PRUNE2: variants seen among roughly 807,000 people sequenced by gnomAD.
PRUNE2 encodes the protein protein prune homolog 2.
A neutral mutation model predicts 252.0 loss-of-function variants in PRUNE2; 164 were observed. The ratio of observed to expected loss-of-function variants is 0.65; its 90% confidence interval spans 0.57 to 0.74. PRUNE2 has a LOEUF of 0.74. PRUNE2 is among the 30% of genes least tolerant of loss of function. The pLI is 0.00. For synonymous variants in PRUNE2, 1,292 were observed against 1,350.2 expected (o/e 0.96, Z 0.94); for missense variants, 3,495 against 3,711.0 (o/e 0.94, Z 1.51).
In PRUNE2 at chr9:76,774,457, T is replaced by TATTTATTTA. The variant is rs756648285; in HGVS notation, c.756+49174_756+49175insTAAATAAAT. ...CTGGCCTCCAGTTCAACCCTTTTTT[T>TATTTATTTA]TTTTTTTTTTTTTTTTTTTTGAGAT... On this transcript the variant is annotated intron_variant, in intron 6 of 18. Coordinates refer to ENST00000376718, the MANE Select transcript of PRUNE2 (RefSeq NM_015225.3). Among the ~76,000 whole-genome samples, 118 of 73,542 alleles carry TATTTATTTA rather than the reference T, an allele frequency of 1.6e-3. 1 individual carries two copies. The highest frequency in any genetic ancestry group is 1.9e-3 in the Non-Finnish European group (69 of 36,530). The allele number at this position is 73,542 out of a possible 152,430, so 48.2% of individuals were successfully genotyped here.
At chr9:76,752,462 C>T (rs2050722426) in intron 6 of PRUNE2, among the ~76,000 whole-genome samples, 1 of 152,146 alleles carries the variant, frequency 6.6e-6, no homozygotes, top group Non-Finnish European at 1.5e-5. Context: ...GGGGATTGAA[C>T]ACTTCTACAG....
intron 9 of PRUNE2, among the ~76,000 whole-genome samples, chr9:76,663,609 A>T (rs190626199): frequency 6.6e-6 from 1 of 152,192 alleles, no homozygotes. Context: ...ATGGTTTTGC[A>T]TGTCAATTTT....
chr9:76,844,759 T>C (rs975572490), intron 4 of PRUNE2, among the ~76,000 whole-genome samples: 23 of 152,092 alleles, frequency 1.5e-4, no homozygotes, highest in African/African-American at 5.6e-4. Flanking sequence ...GTAGAAGCTC[T>C]TCATCCTCTC....
intron 10 of PRUNE2, among the ~76,000 whole-genome samples, chr9:76,654,315 C>T (rs529209444): frequency 1.3e-5 from 2 of 152,328 alleles, no homozygotes; most frequent in South Asian, 4.1e-4. Flanking sequence ...GAAATTGGCA[C>T]TGTTCCCCTG....
Position 76,882,631 on chromosome 9 carries a change from G to A in PRUNE2, c.36+23297C>T, listed in dbSNP as rs1329082279. On this transcript the variant is annotated intron_variant, in intron 1 of 18. Coordinates refer to ENST00000376718, the MANE Select transcript of PRUNE2 (RefSeq NM_015225.3). ...GGGAACAGGAGCAAGAGAGAGAGAG[G>A]GGAGGTGCTACAGACTTTAAAAGGA... 7.2e-5 allele frequency among the ~76,000 whole-genome samples: 11 copies of A among 152,112 alleles called. No homozygotes were observed. The East Asian group carries it at 1.6e-3, about 21-fold the overall frequency.
chr9:76,680,878 C>T (rs1343293020), intron 9 of PRUNE2, among the ~76,000 whole-genome samples: 1 of 152,084 alleles, frequency 6.6e-6, no homozygotes, highest in Non-Finnish European at 1.5e-5. Flanking sequence ...TTCAAACAAC[C>T]GGATCTCGTG....
chr9:76,817,688 T>A (rs1459187863), intron 6 of PRUNE2: 1 of 152,226 alleles, frequency 6.6e-6, no homozygotes, highest in Admixed American at 6.5e-5. Context: ...GATTGCTACA[T>A]GAGTGAAAAA....
At chr9:76,848,877 GT>G (rs1310367043) in intron 3 of PRUNE2, among the ~76,000 whole-genome samples, 4 of 152,140 alleles carry the variant, frequency 2.6e-5, no homozygotes, top group Non-Finnish European at 5.9e-5. Flanking sequence ...ATGGTTCTTT[GT>G]TTTTATTGTT....
intron 1 of PRUNE2, among the ~76,000 whole-genome samples, chr9:76,881,249 A>C (rs1278333178): frequency 3.3e-5 from 5 of 152,180 alleles, no homozygotes; most frequent in Non-Finnish European, 7.3e-5. Flanking sequence ...TACAGGCGTG[A>C]GCCACCGAGC....
In PRUNE2 at chr9:76,710,401, C is replaced by T. The variant is rs763518046; in HGVS notation, c.1873G>A (p.Glu625Lys). ...TCTTCTGTATAGAGTGAGGCTGGTT[C>T]TTCAGTGGATGGCGAGCTTTCTACT... ...SLVESSPSTE[E>K]PASLYTEDMT... The change falls in exon 8 of 19, where the codon GAA (glutamate) becomes AAA (lysine). Residue 625 changes from glutamate (E) to lysine (K), a missense_variant. Coordinates refer to ENST00000376718, the MANE Select transcript of PRUNE2 (RefSeq NM_015225.3). 26 of 1,613,972 alleles carry T rather than the reference C, an allele frequency of 1.6e-5. No homozygotes were observed. Among genetic ancestry groups the T allele is most frequent in the Non-Finnish European group, 2.2e-5 (26 of 1,179,886 alleles).
intron 6 of PRUNE2, among the ~76,000 whole-genome samples, chr9:76,752,069 G>A (rs979700720): frequency 3.4e-5 from 5 of 149,072 alleles, no homozygotes; most frequent in East Asian, 2.0e-4. Flanking sequence ...TTAGATCAAC[G>A]ACTGACTCAA....
chr9:76,820,703 G>A (rs1211275059), intron 6 of PRUNE2, among the ~76,000 whole-genome samples: 5 of 152,176 alleles, frequency 3.3e-5, no homozygotes, highest in Admixed American at 3.3e-4. Flanking sequence ...CGTTTTTGGA[G>A]AGCGGGATAA....
intron 4 of PRUNE2, among the ~76,000 whole-genome samples, chr9:76,839,385 C>T (rs10781385): frequency 0.89 from 134,973 of 152,164 alleles, 60,349 homozygotes; most frequent in Non-Finnish European, 0.94. Context: ...TCCTGATAGG[C>T]AGAAAGAGAG....
chr9:76,683,172 C>A (rs560418991), intron 9 of PRUNE2, among the ~76,000 whole-genome samples: 4 of 152,218 alleles, frequency 2.6e-5, no homozygotes, highest in Non-Finnish European at 4.4e-5. Flanking sequence ...GACCAATCAA[C>A]AGAGTCCCCG....
At chr9:76,840,548 T>G (rs866689541) in intron 4 of PRUNE2, among the ~76,000 whole-genome samples, 1 of 152,246 alleles carries the variant, frequency 6.6e-6, no homozygotes, top group African/African-American at 2.4e-5. Flanking sequence ...CTAATTATGA[T>G]GCTTTTAAAG....
chr9:76,631,921 A>G (rs532253031), intron 15 of PRUNE2, among the ~76,000 whole-genome samples: 2 of 152,246 alleles, frequency 1.3e-5, no homozygotes, highest in African/African-American at 4.8e-5. Flanking sequence ...TCTTAGGATA[A>G]CTCACTTATG....
chr9:76,795,944 T>A (rs1589272531), intron 6 of PRUNE2, among the ~76,000 whole-genome samples: 2 of 152,206 alleles, frequency 1.3e-5, no homozygotes, highest in African/African-American at 4.8e-5. Context: ...GATATTGGTA[T>A]TGGGACTATA....
chr9:76,732,633 GT>G (rs1428977806), intron 6 of PRUNE2, among the ~76,000 whole-genome samples: 18 of 152,330 alleles, frequency 1.2e-4, no homozygotes, highest in Non-Finnish European at 2.1e-4. Flanking sequence ...AGGTTGTATA[GT>G]TTGTCTGTGT....
At chr9:76,733,009 T>C (rs1389169499) in intron 6 of PRUNE2, among the ~76,000 whole-genome samples, 4 of 152,168 alleles carry the variant, frequency 2.6e-5, no homozygotes, top group Non-Finnish European at 4.4e-5. Flanking sequence ...ATTGCTGCCA[T>C]TTATATAGAT....
Sources: allele counts gnomAD v4.1 joint callset (sites outside exome capture counted in the v4.1 genomes callset), GRCh38; gene constraint gnomAD v4.1.1; transcripts MANE v1.5; gene names NCBI Gene and HGNC (gene_info 2026-07-23, HGNC 2026-07-21).